Variants in MTARC2 observed in about 807,000 individuals in gnomAD.
MTARC2 encodes the protein mitochondrial amidoxime reducing component 2, also known as MOCO sulphurase C-terminal domain containing 2.
In MTARC2, 27 loss-of-function variants were observed where a neutral mutation model predicts 35.6. The ratio of observed to expected loss-of-function variants is 0.76; its 90% confidence interval spans 0.56 to 1.04. MTARC2 has a LOEUF of 1.04. MTARC2 is among the 50% of genes least tolerant of loss of function. The probability of loss-of-function intolerance (pLI) is 0.00; values close to 1 mark genes in which losing one functional copy is unlikely to be tolerated. For synonymous variants in MTARC2, 158 were observed against 167.1 expected (o/e 0.95, Z 0.42); for missense variants, 412 against 432.5 (o/e 0.95, Z 0.42).
At chr1:220,749,427 C>CTTT (rs60380640) in intron 1 of MTARC2, among the ~76,000 whole-genome samples, 7 of 98,704 alleles carry the variant, frequency 7.1e-5, no homozygotes, top group Non-Finnish European at 1.5e-4. Context: ...ATGCCTTCTT[C>CTTT]TTTTTTTTTT....
chr1:220,783,228 G>C (rs147407772), intron 7 of MTARC2, among the ~76,000 whole-genome samples: 22 of 151,752 alleles, frequency 1.4e-4, no homozygotes, highest in African/African-American at 5.4e-4. Flanking sequence ...AAAATTATCA[G>C]TGATGCATAT....
intron 1 of MTARC2, among the ~76,000 whole-genome samples, chr1:220,754,178 C>T (rs1671213575): frequency 6.6e-6 from 1 of 152,144 alleles, no homozygotes; most frequent in Admixed American, 6.5e-5. Flanking sequence ...TGTGGTACAG[C>T]CCCAACCTAT....
intron 1 of MTARC2, 128 bp downstream of exon 1, chr1:220,748,931 T>C: frequency 1.6e-6 from 2 of 1,245,030 alleles, no homozygotes; most frequent in South Asian, 1.9e-5. Flanking sequence ...GGCTGACTGT[T>C]GGGCCGTTGG....
At chr1:220,754,378 T>C (rs1671219360) in intron 1 of MTARC2, 4 of 456,178 alleles carry the variant, frequency 8.8e-6, no homozygotes, top group Non-Finnish European at 1.8e-5. Flanking sequence ...AATGTGTGCA[T>C]GAAGAGGAAA....
Position 220,748,635 on chromosome 1 carries a change from TG to T in MTARC2, c.108del (p.Thr37LeufsTer29). The T allele has an allele frequency of 6.5e-7, 1 of 1,526,752 alleles. No individual in the cohort carries two copies. The highest frequency in any genetic ancestry group is 2.6e-5 in the East Asian group (1 of 38,544). 94.6% of individuals were successfully genotyped at this position (1,526,752 alleles called of 1,614,324 possible). ...GCGCTAGGACTGGCCGCCGTGGCCC[TG>T]GGGACTGTCGCCTGGCGCCGCGCAT... The part of the protein sequence containing the change: ...VAALGLAAVA[L>X]GTVAWRRAWP... On this transcript the variant is annotated frameshift_variant, in exon 1 of 8. Coordinates refer to ENST00000366913, the MANE Select transcript of MTARC2 (RefSeq NM_017898.5). LOFTEE classifies it high-confidence loss of function.
intron 3 of MTARC2, among the ~76,000 whole-genome samples, chr1:220,762,317 A>G (rs1301024307): frequency 6.6e-6 from 1 of 152,202 alleles, no homozygotes; most frequent in Non-Finnish European, 1.5e-5. Context: ...AAATTATCAG[A>G]TAATACAGAG....
At chr1:220,756,404 A>G (rs1671282338) in intron 2 of MTARC2, 1 of 152,182 alleles carries the variant, frequency 6.6e-6, no homozygotes, top group South Asian at 2.1e-4. Context: ...GCAATAATTC[A>G]CTGAATTCAG....
chr1:220,770,343 A>T (rs1671708970), intron 4 of MTARC2: 1 of 976,208 alleles, frequency 1.0e-6, no homozygotes, highest in Admixed American at 6.2e-5. Flanking sequence ...AGTTGTGTTT[A>T]TCAGGTCTCA....
intron 6 of MTARC2, among the ~76,000 whole-genome samples, chr1:220,780,859 A>C (rs1429339825): frequency 1.3e-5 from 2 of 152,074 alleles, no homozygotes; most frequent in Non-Finnish European, 2.9e-5. Context: ...ACTTTATTTA[A>C]TCATGTTTAT....
At chr1:220,773,984 C>A (rs562750995) in intron 4 of MTARC2, among the ~76,000 whole-genome samples, 4 of 150,834 alleles carry the variant, frequency 2.7e-5, no homozygotes, top group African/African-American at 9.8e-5. Context: ...CACACACACA[C>A]ACACATATAA....
In MTARC2 at chr1:220,755,034, T is replaced by C. The variant is rs371348; in HGVS notation, c.360T>C (p.Asn120=). The C allele has an allele frequency of 0.015, 23,601 of 1,613,194 alleles. 823 individuals are homozygous for C. The highest frequency in any genetic ancestry group is 0.11 in the African/African-American group (8,525 of 74,918). ...TGCTCATCTCCATCATTTATGAGAA[T>C]AACTGCCTGATCTTCAGGGCTCCAG... The part of the protein sequence containing the change: ...RLVLISIIYE[N]NCLIFRAPDM... The change falls in exon 2 of 8, where the codon AAT becomes AAC. Residue 120 remains asparagine, a synonymous_variant. Transcript: ENST00000366913.
intron 2 of MTARC2, among the ~76,000 whole-genome samples, chr1:220,761,278 C>A (rs1329591503): frequency 6.6e-6 from 1 of 152,212 alleles, no homozygotes; most frequent in East Asian, 1.9e-4. Context: ...GGATTCTAAG[C>A]TCAGGGTGCA....
intron 4 of MTARC2, among the ~76,000 whole-genome samples, chr1:220,772,211 A>G (rs1369068392): frequency 6.6e-6 from 1 of 152,236 alleles, no homozygotes; most frequent in African/African-American, 2.4e-5. Context: ...GCAGCTTTGT[A>G]AAATGGTGGG....
At chr1:220,761,568 G>C in intron 2 of MTARC2, 90 bp from the exon 3 acceptor site, 1 of 1,320,172 alleles carries the variant, frequency 7.6e-7, no homozygotes. Flanking sequence ...GGATGGTCAG[G>C]TCCCAACAGT....
intron 4 of MTARC2, among the ~76,000 whole-genome samples, chr1:220,767,537 T>C (rs1671614632): frequency 6.6e-6 from 1 of 152,240 alleles, no homozygotes; most frequent in Non-Finnish European, 1.5e-5. Flanking sequence ...GTTCCGGGAA[T>C]GCAGCAAAAT....
In MTARC2 at chr1:220,763,056, C is replaced by T. The variant is rs190616095; in HGVS notation, c.750+6C>T. The T allele has an allele frequency of 2.8e-5, 45 of 1,614,082 alleles. No individual in the cohort carries two copies. The East Asian group carries it at 6.0e-4, about 22-fold the overall frequency. Reference sequence around the variant, plus strand: ...GCTGTGATGCTTTTGAGGAGGTAAGCGACCCACTGCTTTTGTGCATCATGC... The same window carrying T: ...GCTGTGATGCTTTTGAGGAGGTAAGTGACCCACTGCTTTTGTGCATCATGC... On this transcript the variant is annotated splice_donor_region_variant and intron_variant, in intron 4 of 7. Coordinates refer to ENST00000366913, the MANE Select transcript of MTARC2 (RefSeq NM_017898.5).
chr1:220,753,413 T>G (rs1288366202), intron 1 of MTARC2, among the ~76,000 whole-genome samples: 1 of 152,302 alleles, frequency 6.6e-6, no homozygotes, highest in East Asian at 1.9e-4. Context: ...CATTGTCTTC[T>G]GGTGTGGTTG....
At chr1:220,778,500 G>A (rs1318625256) in intron 4 of MTARC2, among the ~76,000 whole-genome samples, 1 of 152,132 alleles carries the variant, frequency 6.6e-6, no homozygotes, top group Admixed American at 6.5e-5. Flanking sequence ...CACCAAGGTG[G>A]TGGTGCTAAA....
chr1:220,770,479 A>C, intron 4 of MTARC2: 1 of 985,406 alleles, frequency 1.0e-6, no homozygotes, highest in Non-Finnish European at 1.2e-6. Flanking sequence ...TTGTAAGGAG[A>C]GGTCATTCAC....
Sources: gnomAD v4.1 joint callset for allele counts (sites outside exome capture counted in the v4.1 genomes callset) on GRCh38, gnomAD v4.1.1 for gene constraint, MANE v1.5 for transcripts, NCBI Gene and HGNC (gene_info 2026-07-23, HGNC 2026-07-21) for gene names.